GPC5: variants seen among roughly 807,000 people sequenced by gnomAD.
GPC5 encodes glypican 5.
GPC5 carries 47 observed loss-of-function variants against 53.9 expected under a neutral mutation model. The observed-to-expected ratio is 0.87, with a 90% confidence interval of 0.69 to 1.11. The LOEUF (loss-of-function observed/expected upper bound fraction) is 1.11. GPC5 is among the 50% of genes most tolerant of loss of function. The pLI is 0.00. For missense variants in GPC5, 748 were observed against 713.1 expected (o/e 1.05, Z -0.56); for synonymous variants, 286 against 263.3 (o/e 1.09, Z -0.84).
chr13:92,736,108 A>T (rs1232776160), intron 7 of GPC5, among the ~76,000 whole-genome samples: 1 of 151,938 alleles, frequency 6.6e-6, no homozygotes, highest in Non-Finnish European at 1.5e-5. Flanking sequence ...CATCTCATCT[A>T]TCCAGACATT....
chr13:92,142,605 T>C (rs1326018389), intron 6 of GPC5, among the ~76,000 whole-genome samples: 4 of 152,336 alleles, frequency 2.6e-5, no homozygotes, highest in Non-Finnish European at 4.4e-5. Flanking sequence ...CCAATCACTT[T>C]CAACCAAAAT....
chr13:92,146,500 G>C (rs867488250), intron 7 of GPC5, among the ~76,000 whole-genome samples: 1 of 151,898 alleles, frequency 6.6e-6, no homozygotes, highest in African/African-American at 2.4e-5. Context: ...AATGATAAAG[G>C]TTTTATTTTA....
chr13:91,689,364 GC>G (rs972640856), intron 2 of GPC5, among the ~76,000 whole-genome samples: 2 of 148,848 alleles, frequency 1.3e-5, no homozygotes, highest in African/African-American at 4.9e-5. Flanking sequence ...GAATGCAAAG[GC>G]TTAGGACATT....
At chr13:91,931,886 G>A (rs1378264448) in intron 6 of GPC5, among the ~76,000 whole-genome samples, 2 of 151,930 alleles carry the variant, frequency 1.3e-5, no homozygotes, top group Non-Finnish European at 2.9e-5. Context: ...TACTTGCTTA[G>A]CATTCATTAC....
At chr13:92,637,731 TA>T (rs1417805376) in intron 7 of GPC5, among the ~76,000 whole-genome samples, 1 of 151,988 alleles carries the variant, frequency 6.6e-6, no homozygotes, top group African/African-American at 2.4e-5. Flanking sequence ...GATAAGAATA[TA>T]TCAGGCATAC....
intron 2 of GPC5, among the ~76,000 whole-genome samples, chr13:91,468,349 C>T (rs1405672992): frequency 6.6e-6 from 1 of 152,140 alleles, no homozygotes; most frequent in Non-Finnish European, 1.5e-5. Flanking sequence ...CTGGACTCTT[C>T]ACCTCCAGTA....
At chr13:92,498,234 G>C (rs758494742) in intron 7 of GPC5, among the ~76,000 whole-genome samples, 4 of 151,916 alleles carry the variant, frequency 2.6e-5, no homozygotes, top group Non-Finnish European at 5.9e-5. Context: ...ATGTTTCTGG[G>C]GTCTTGTGTT....
chr13:92,071,793 C>T (rs570948716), intron 6 of GPC5, among the ~76,000 whole-genome samples: 47 of 148,984 alleles, frequency 3.2e-4, no homozygotes, highest in African/African-American at 1.1e-3. Context: ...TTTTTTTTAT[C>T]CAATGTGCCT....
chr13:92,054,124 T>A (rs2041054504), intron 6 of GPC5, among the ~76,000 whole-genome samples: 1 of 149,134 alleles, frequency 6.7e-6, no homozygotes. Flanking sequence ...ATAGACATCT[T>A]AAATATAATA....
At chr13:91,470,976 A>G (rs1439199435) in intron 2 of GPC5, among the ~76,000 whole-genome samples, 3 of 152,086 alleles carry the variant, frequency 2.0e-5, no homozygotes, top group African/African-American at 4.8e-5. Flanking sequence ...TGACAATCCA[A>G]TTTTGATCAC....
intron 2 of GPC5, among the ~76,000 whole-genome samples, chr13:91,531,959 T>C (rs1209453719): frequency 6.6e-6 from 1 of 152,188 alleles, no homozygotes; most frequent in African/African-American, 2.4e-5. Flanking sequence ...AGTGACATGA[T>C]TTAGTCACAA....
At chr13:92,559,326 G>A (rs1161780614) in intron 7 of GPC5, among the ~76,000 whole-genome samples, 2 of 114,138 alleles carry the variant, frequency 1.8e-5, no homozygotes, top group African/African-American at 7.5e-5. Flanking sequence ...TTTGTAGTGT[G>A]TATATGTGTG....
At chr13:92,729,698 A>T (rs990267973) in intron 7 of GPC5, among the ~76,000 whole-genome samples, 2 of 151,424 alleles carry the variant, frequency 1.3e-5, no homozygotes, top group Non-Finnish European at 3.0e-5. Context: ...GTTGATTGAC[A>T]TAGTTTCAGA....
At chr13:91,685,070 C>T (rs1279094668) in intron 2 of GPC5, among the ~76,000 whole-genome samples, 1 of 152,120 alleles carries the variant, frequency 6.6e-6, no homozygotes, top group Non-Finnish European at 1.5e-5. Flanking sequence ...TTCCTTCTCA[C>T]TGTATCTAAA....
At chr13:92,146,252 T>C (rs1262783327) in intron 7 of GPC5, among the ~76,000 whole-genome samples, 1 of 152,112 alleles carries the variant, frequency 6.6e-6, no homozygotes, top group Non-Finnish European at 1.5e-5. Flanking sequence ...ATCAGATTGG[T>C]TTCTCCTTTT....
intron 2 of GPC5, among the ~76,000 whole-genome samples, chr13:91,661,043 G>T (rs1566589601): frequency 6.6e-6 from 1 of 152,104 alleles, no homozygotes. Context: ...CTTGTGTGTG[G>T]AATAAGGGCA....
At chr13:92,459,107 A>G (rs1313485683) in intron 7 of GPC5, among the ~76,000 whole-genome samples, 1 of 152,168 alleles carries the variant, frequency 6.6e-6, no homozygotes, top group Non-Finnish European at 1.5e-5. Flanking sequence ...TCTTATCTCA[A>G]GATGATACTG....
At position 92,602,987 on chromosome 13, in the gene GPC5, T is replaced by C. The variant is rs192808383; in HGVS notation, c.1562-263295T>C. ...GGACAAAATTGATTCCTCCGGTAAGTTGGGATAGCATGTGCAAAGTGTTGC... is the reference window on the plus strand; with the variant it reads ...GGACAAAATTGATTCCTCCGGTAAGCTGGGATAGCATGTGCAAAGTGTTGC... On this transcript the variant is annotated intron_variant, in intron 7 of 7. Coordinates refer to ENST00000377067, the MANE Select transcript of GPC5 (RefSeq NM_004466.6). Among the ~76,000 whole-genome samples, 72 of 152,312 alleles carry C rather than the reference T, an allele frequency of 4.7e-4. 1 individual carries two copies. Among genetic ancestry groups the C allele is most frequent in the Middle Eastern group, 3.4e-3 (1 of 294 alleles).
intron 5 of GPC5, among the ~76,000 whole-genome samples, chr13:91,907,457 C>A: frequency 1.4e-5 from 2 of 138,656 alleles, no homozygotes; most frequent in African/African-American, 2.7e-5. Flanking sequence ...GTATATACTA[C>A]TATATAATAT....
Sources: gnomAD v4.1 joint callset for allele counts (sites outside exome capture counted in the v4.1 genomes callset) on GRCh38, gnomAD v4.1.1 for gene constraint, MANE v1.5 for transcripts, NCBI Gene and HGNC (gene_info 2026-07-23, HGNC 2026-07-21) for gene names.